Variants in PCDH15 observed in about 807,000 individuals in gnomAD.
PCDH15 encodes the protein protocadherin-15.
PCDH15 carries 129 observed loss-of-function variants against 178.5 expected under a neutral mutation model. The observed-to-expected ratio is 0.72, with a 90% CI of 0.63 to 0.84. PCDH15 has a LOEUF of 0.84. Among genes scored for constraint, PCDH15 ranks in the 40% least tolerant of loss-of-function variants. The pLI, the probability that PCDH15 is intolerant of heterozygous loss-of-function variation, is 0.00. For missense variants in PCDH15, 2,230 were observed against 2,099.9 expected (o/e 1.06, Z -1.21); for synonymous variants, 800 against 732.0 (o/e 1.09, Z -1.50).
At chr10:55,592,767 A>G (rs935717823) in intron 2 of PCDH15, among the ~76,000 whole-genome samples, 1 of 152,094 alleles carries the variant, frequency 6.6e-6, no homozygotes, top group African/African-American at 2.4e-5. Flanking sequence ...TACACTTAAA[A>G]CTACGTCAAA....
chr10:54,525,368 A>G (rs556200427), intron 3 of PCDH15, among the ~76,000 whole-genome samples: 2 of 152,330 alleles, frequency 1.3e-5, no homozygotes, highest in Admixed American at 1.3e-4. Context: ...AAAATAGGAA[A>G]CCCACATGTT....
chr10:55,420,000 A>G (rs1458572094), intron 2 of PCDH15, among the ~76,000 whole-genome samples: 1 of 151,716 alleles, frequency 6.6e-6, no homozygotes, highest in East Asian at 1.9e-4. Context: ...AGTTCAGCAA[A>G]CATTTAGTAA....
intron 10 of PCDH15, among the ~76,000 whole-genome samples, chr10:54,196,588 C>T (rs949763047): frequency 2.0e-5 from 3 of 152,140 alleles, no homozygotes; most frequent in Non-Finnish European, 4.4e-5. Flanking sequence ...AAAGAACTAT[C>T]GTATCGACTT....
intron 6 of PCDH15, among the ~76,000 whole-genome samples, chr10:54,341,797 G>A (rs957733562): frequency 6.6e-6 from 1 of 152,144 alleles, no homozygotes; most frequent in Non-Finnish European, 1.5e-5. Context: ...AACTTATTGG[G>A]AACTGGAGCA....
intron 2 of PCDH15, among the ~76,000 whole-genome samples, chr10:54,659,157 G>A (rs2135359456): frequency 6.6e-6 from 1 of 152,208 alleles, no homozygotes; most frequent in Non-Finnish European, 1.5e-5. Context: ...TACAATAACA[G>A]CTGAAGTATT....
At chr10:55,226,469 T>C (rs1841046986) in intron 1 of PCDH15, among the ~76,000 whole-genome samples, 1 of 151,558 alleles carries the variant, frequency 6.6e-6, no homozygotes, top group Admixed American at 6.6e-5. Context: ...GCAACCTCTG[T>C]CTCCTGGGTT....
At chr10:55,034,655 T>TA (rs1840692845) in intron 2 of PCDH15, among the ~76,000 whole-genome samples, 1 of 152,090 alleles carries the variant, frequency 6.6e-6, no homozygotes, top group South Asian at 2.1e-4. Context: ...ATCTAGACTC[T>TA]AAAAACTAAT....
intron 2 of PCDH15, among the ~76,000 whole-genome samples, chr10:55,538,797 C>CT (rs1271926738): frequency 7.1e-6 from 1 of 140,336 alleles, no homozygotes; most frequent in African/African-American, 2.7e-5. Flanking sequence ...TCCTTCCTTC[C>CT]TCCTTTCCTT....
chr10:54,822,352 T>A (rs1953058312), intron 3 of PCDH15, among the ~76,000 whole-genome samples: 1 of 152,124 alleles, frequency 6.6e-6, no homozygotes, highest in South Asian at 2.1e-4. Context: ...GAGGTCAATT[T>A]TTTTAGCTCC....
intron 2 of PCDH15, among the ~76,000 whole-genome samples, chr10:54,564,104 C>CT (rs1250666022): frequency 1.3e-5 from 2 of 150,914 alleles, no homozygotes; most frequent in Admixed American, 6.6e-5. Context: ...ACTCACTGCA[C>CT]TTTTTTTGTA....
intron 2 of PCDH15, among the ~76,000 whole-genome samples, chr10:55,347,973 C>T (rs921325144): frequency 6.6e-6 from 1 of 151,892 alleles, no homozygotes; most frequent in Admixed American, 6.6e-5. Context: ...AAGCCTAAGT[C>T]AAAACAAGGT....
chr10:54,231,450 C>T lies in PCDH15; in HGVS notation c.985+5373G>A, dbSNP rs146084014. Among the ~76,000 whole-genome samples the T allele has an allele frequency of 3.8e-3, 584 of 152,350 alleles. 4 individuals are homozygous for T. Among genetic ancestry groups the T allele is most frequent in the Non-Finnish European group, 3.8e-3 (257 of 68,040 alleles). ...AAATCTGCTGCAGGGGTGGAGCCCT[C>T]ATGGAACACCTCTACCAGGGCAGTG... On this transcript the variant is annotated intron_variant, in intron 9 of 37. Coordinates refer to ENST00000644397, the MANE Select transcript of PCDH15 (RefSeq NM_001384140.1).
At chr10:55,203,181 GTCCT>G (rs1840302775) in intron 1 of PCDH15, among the ~76,000 whole-genome samples, 1 of 151,964 alleles carries the variant, frequency 6.6e-6, no homozygotes, top group Non-Finnish European at 1.5e-5. Flanking sequence ...ATCAAACAGT[GTCCT>G]TTTTCAAAGG....
At chr10:55,565,180 T>C (rs1372591398) in intron 2 of PCDH15, among the ~76,000 whole-genome samples, 2 of 151,418 alleles carry the variant, frequency 1.3e-5, no homozygotes, top group African/African-American at 4.8e-5. Flanking sequence ...AAGTTAGAAA[T>C]TAGTAACAAA....
intron 2 of PCDH15, among the ~76,000 whole-genome samples, chr10:55,347,040 C>T (rs748631176): frequency 1.3e-5 from 2 of 151,700 alleles, no homozygotes; most frequent in Admixed American, 6.6e-5. Flanking sequence ...ATGGCAAAAC[C>T]CCATCTCTAC....
chr10:53,845,522 A>G (rs1322418815), intron 28 of PCDH15, among the ~76,000 whole-genome samples: 1 of 151,936 alleles, frequency 6.6e-6, no homozygotes, highest in Non-Finnish European at 1.5e-5. Flanking sequence ...CAGTATATAT[A>G]TACAATCAAA....
chr10:54,944,573 A>G (rs556572781), intron 2 of PCDH15, among the ~76,000 whole-genome samples: 2 of 152,050 alleles, frequency 1.3e-5, no homozygotes, highest in South Asian at 4.1e-4. Context: ...CAGCCAATCC[A>G]TTATACAGAC....
rs1288542580 is a variant in PCDH15, at chr10:54,717,939, T to C, written c.-28-53649A>G. ...TGGAATACTATGCAGCCATAAAAAA[T>C]GATGAGTTCATGTCCTTTGTAGGGA... On this transcript the variant is annotated intron_variant, in intron 1 of 37. Transcript: ENST00000644397. 1.2e-4 allele frequency among the ~76,000 whole-genome samples: 18 copies of C among 145,778 alleles called. 5 individuals carry two copies. The highest frequency in any genetic ancestry group is 6.0e-5 in the Non-Finnish European group (4 of 66,574).
At chr10:54,096,294 CCTT>C (rs1195724372) in intron 15 of PCDH15, among the ~76,000 whole-genome samples, 1 of 151,872 alleles carries the variant, frequency 6.6e-6, no homozygotes, top group African/African-American at 2.4e-5. Context: ...CTCAGAGTAG[CCTT>C]CTTGTTTCTC....
Sources: allele counts gnomAD v4.1 joint callset (sites outside exome capture counted in the v4.1 genomes callset), GRCh38; gene constraint gnomAD v4.1.1; transcripts MANE v1.5; gene names NCBI Gene and HGNC (gene_info 2026-07-23, HGNC 2026-07-21).